CCDC3: variants seen among roughly 807,000 people sequenced by gnomAD.
CCDC3 encodes coiled-coil domain-containing protein 3.
CCDC3 carries 24 observed loss-of-function variants against 21.4 expected under a neutral mutation model. The observed-to-expected ratio is 1.12, with a 90% CI of 0.81 to 1.58. The LOEUF (loss-of-function observed/expected upper bound fraction) is 1.58, where lower values mean the gene tolerates loss of function less well. Ranked by LOEUF, CCDC3 falls within the 40% of genes most tolerant of loss-of-function variation. The pLI is 0.00. For missense variants in CCDC3, 425 were observed against 360.9 expected, an observed-to-expected ratio of 1.18 and a Z score of -1.44; for synonymous variants, 186 against 166.0, an observed-to-expected ratio of 1.12 and a Z score of -0.93.
At chr10:13,067,388 G>T (rs1289299409) in intron 4 of CCDC3, among the ~76,000 whole-genome samples, 1 of 109,406 alleles carries the variant, frequency 9.1e-6, no homozygotes, top group African/African-American at 4.8e-5. Context: ...TTTTAAGTGA[G>T]AGGTTTTTTT....
At chr10:13,070,060 AAC>A (rs1836864485) in intron 4 of CCDC3, among the ~76,000 whole-genome samples, 1 of 152,120 alleles carries the variant, frequency 6.6e-6, no homozygotes, top group African/African-American at 2.4e-5. Context: ...TATCAAGCAA[AAC>A]AAGAGTTAAC....
chr10:12,905,990 C>T (rs550220119), intron 2 of CCDC3, among the ~76,000 whole-genome samples: 2 of 152,338 alleles, frequency 1.3e-5, no homozygotes, highest in East Asian at 3.9e-4. Context: ...GGCCTTTACC[C>T]ACGTCCTCCG....
intron 2 of CCDC3, among the ~76,000 whole-genome samples, chr10:12,958,468 G>A (rs1835128542): frequency 6.6e-6 from 1 of 152,128 alleles, no homozygotes; most frequent in Non-Finnish European, 1.5e-5. Flanking sequence ...TGCTTAAGCT[G>A]CTTTGGGTAC....
chr10:12,912,846 C>T (rs1834291165), intron 2 of CCDC3, among the ~76,000 whole-genome samples: 1 of 152,158 alleles, frequency 6.6e-6, no homozygotes, highest in South Asian at 2.1e-4. Flanking sequence ...ATTTTTCCAG[C>T]ACCGTTTACT....
At chr10:12,917,830 C>T (rs564771049) in intron 2 of CCDC3, among the ~76,000 whole-genome samples, 2 of 152,262 alleles carry the variant, frequency 1.3e-5, no homozygotes, top group African/African-American at 4.8e-5. Flanking sequence ...GAATTTTGTA[C>T]TTTCCTAAAG....
intron 4 of CCDC3, among the ~76,000 whole-genome samples, chr10:13,052,177 C>A (rs556225598): frequency 6.6e-6 from 1 of 152,198 alleles, no homozygotes; most frequent in African/African-American, 2.4e-5. Context: ...CAGTCTAGAC[C>A]AGCCTGGGCA....
At chr10:13,054,311 C>A (rs1211265410) in intron 4 of CCDC3, among the ~76,000 whole-genome samples, 1 of 152,168 alleles carries the variant, frequency 6.6e-6, no homozygotes. Flanking sequence ...TCTGCCTGAA[C>A]TGGTTTTGCT....
At position 13,030,054 on chromosome 10, in the gene CCDC3, C is replaced by T. The variant is rs531666261; in HGVS notation, c.-2+19620G>A. On this transcript the variant is annotated intron_variant, in intron 5 of 6. Coordinates refer to the CCDC3 transcript ENST00000378839. ...CACATAATTGTCAGATTCACCAAAG[C>T]TGAAATGAAGGAAAAAATATTAAGG... 5.4e-3 allele frequency among the ~76,000 whole-genome samples: 816 copies of T among 152,076 alleles called. 10 individuals are homozygous for T. Among genetic ancestry groups the T allele is most frequent in the African/African-American group, 0.019 (770 of 41,482 alleles).
chr10:12,963,278 T>C (rs1835207219), intron 2 of CCDC3, among the ~76,000 whole-genome samples: 1 of 152,218 alleles, frequency 6.6e-6, no homozygotes, highest in Admixed American at 6.5e-5. Context: ...CTGAGATCTC[T>C]TAACCTTGTT....
intron 3 of CCDC3, among the ~76,000 whole-genome samples, chr10:13,090,036 T>TAGATAGATAGATAGATAG (rs1188514602): frequency 0.17 from 300 of 1,772 alleles, 2 homozygotes; most frequent in Admixed American, 0.21. Flanking sequence ...TTCCGTTAGA[T>TAGATAGATAGATAGATAG]ATATATATAT....
chr10:13,020,721 G>C (rs145261758), intron 5 of CCDC3, among the ~76,000 whole-genome samples: 127 of 152,276 alleles, frequency 8.3e-4, no homozygotes, highest in African/African-American at 2.7e-3. Context: ...CCACTCAATT[G>C]AGGAAGATAC....
intron 2 of CCDC3, among the ~76,000 whole-genome samples, chr10:12,961,726 C>CAAA (rs1835181028): frequency 6.6e-6 from 1 of 152,152 alleles, no homozygotes; most frequent in South Asian, 2.1e-4. Context: ...ATGGTGGAAA[C>CAAA]AGAGGGTCTC....
rs574147249 is a variant in CCDC3 at position 13,057,521 on chromosome 10, T to G, written c.-269-7580A>C. 6.6e-5 allele frequency among the ~76,000 whole-genome samples: 10 copies of G among 152,312 alleles called. No homozygotes were observed. In the South Asian group the frequency reaches 1.9e-3, roughly 28 times the overall value. On this transcript the variant is annotated intron_variant, in intron 4 of 6. Coordinates refer to the CCDC3 transcript ENST00000378839. ...ATAATTTCCACATCAGAATCATCTA[T>G]TACTTGCTTTTTTTCTTTTCTGTCA...
At chr10:13,052,279 G>A (rs937639519) in intron 4 of CCDC3, among the ~76,000 whole-genome samples, 1 of 151,884 alleles carries the variant, frequency 6.6e-6, no homozygotes, top group African/African-American at 2.4e-5. Flanking sequence ...AGGCTGAGGC[G>A]GGAAGATCGC....
At position 13,001,213 on chromosome 10, in the gene CCDC3, AGGAGT is replaced by A. The variant is rs768458613; in HGVS notation, c.353_357del (p.Tyr118LeufsTer9). On this transcript the variant is annotated frameshift_variant, in exon 1 of 3. Coordinates refer to ENST00000378825, the MANE Select transcript of CCDC3 (RefSeq NM_031455.4). LOFTEE classifies it high-confidence loss of function. ...CGGGCTCACCTGAGGAAGAAGAAAT[AGGAGT>A]AGTCCTGGACCACGGTGTGGGAGTG... The A allele has an allele frequency of 1.4e-4, 216 of 1,560,208 alleles. No homozygotes were observed. Among genetic ancestry groups the A allele is most frequent in the Admixed American group, 1.7e-4 (9 of 51,758 alleles).
intron 5 of CCDC3, among the ~76,000 whole-genome samples, chr10:13,033,112 A>G (rs1836327224): frequency 1.3e-5 from 2 of 152,244 alleles, no homozygotes; most frequent in African/African-American, 4.8e-5. Context: ...TACAGTAACC[A>G]AAATAGCATG....
At chr10:12,979,865 T>G (rs1487727872) in intron 2 of CCDC3, among the ~76,000 whole-genome samples, 3 of 152,202 alleles carry the variant, frequency 2.0e-5, no homozygotes, top group Admixed American at 2.0e-4. Context: ...TTTGCTTTAC[T>G]ACAAAGCTGT....
intron 5 of CCDC3, among the ~76,000 whole-genome samples, chr10:13,047,065 A>G (rs1315189216): frequency 6.6e-6 from 1 of 152,162 alleles, no homozygotes; most frequent in Admixed American, 6.5e-5. Flanking sequence ...TTTTGCATTT[A>G]TGAAGCAGCT....
At chr10:13,023,553 C>G (rs1391136148) in intron 5 of CCDC3, among the ~76,000 whole-genome samples, 2 of 152,154 alleles carry the variant, frequency 1.3e-5, no homozygotes, top group East Asian at 3.9e-4. Context: ...TCACACCACT[C>G]TTGCTAACGT....
Sources: gnomAD v4.1 joint callset for allele counts (sites outside exome capture counted in the v4.1 genomes callset) on GRCh38, gnomAD v4.1.1 for gene constraint, MANE v1.5 for transcripts, NCBI Gene and HGNC (gene_info 2026-07-23, HGNC 2026-07-21) for gene names.